ANKRD26: variants seen among roughly 807,000 people sequenced by gnomAD.
ANKRD26 encodes the protein ankyrin repeat domain 26.
ANKRD26 carries 141 observed loss-of-function variants against 208.7 expected under a neutral mutation model. The observed-to-expected ratio is 0.68, with a 90% CI of 0.59 to 0.78. The LOEUF (loss-of-function observed/expected upper bound fraction) is 0.78, where lower values mean the gene tolerates loss of function less well. Among genes scored for constraint, ANKRD26 ranks in the 30% least tolerant of loss-of-function variants. ANKRD26 has a pLI of 0.00. For synonymous variants in ANKRD26, 636 were observed against 660.4 expected (o/e 0.96, Z 0.57); for missense variants, 1,889 against 1,938.7 (o/e 0.97, Z 0.48).
At chr10:27,073,873 GA>G (rs2055593367) in intron 9 of ANKRD26, among the ~76,000 whole-genome samples, 3 of 152,058 alleles carry the variant, frequency 2.0e-5, no homozygotes, top group Non-Finnish European at 4.4e-5. Flanking sequence ...CAACATCTGA[GA>G]AAATCATCAC....
chr10:26,963,405 T>C, the ANKRD26 span, among the ~76,000 whole-genome samples: 1 of 152,206 alleles, frequency 6.6e-6, no homozygotes. Flanking sequence ...AGACTGTAAA[T>C]GTGAATCTGC....
downstream of ANKRD26, among the ~76,000 whole-genome samples, chr10:26,991,610 T>C (rs2052487492): frequency 6.6e-6 from 1 of 152,166 alleles, no homozygotes; most frequent in African/African-American, 2.4e-5. Context: ...GCCCAGCTAA[T>C]TTTGTATTTT....
intron 19 of ANKRD26, 87 bp from the exon 20 acceptor site, chr10:27,043,654 G>T: frequency 7.5e-7 from 1 of 1,329,260 alleles, no homozygotes. Flanking sequence ...TTCTAAATGA[G>T]CAAAAACACA....
intron 3 of ANKRD26, among the ~76,000 whole-genome samples, chr10:26,983,716 G>T (rs2052342493): frequency 6.6e-6 from 1 of 152,164 alleles, no homozygotes; most frequent in South Asian, 2.1e-4. Flanking sequence ...TCTTTTCACT[G>T]GATGGGGGGA....
chr10:27,068,662 T>C (rs2055356996), intron 9 of ANKRD26, among the ~76,000 whole-genome samples: 1 of 152,062 alleles, frequency 6.6e-6, no homozygotes, highest in South Asian at 2.1e-4. Context: ...AATGTGAACT[T>C]TCCCTTTCAT....
At chr10:26,954,720 A>G in the ANKRD26 span, among the ~76,000 whole-genome samples, 1 of 152,144 alleles carries the variant, frequency 6.6e-6, no homozygotes, top group Non-Finnish European at 1.5e-5. Flanking sequence ...TTTGGATTGG[A>G]AAAACAGATT....
chr10:27,093,828 CTG>C (rs754321055), intron 1 of ANKRD26, 29 bp from the exon 2 acceptor site: 7 of 1,433,580 alleles, frequency 4.9e-6, no homozygotes, highest in Non-Finnish European at 6.9e-6. Flanking sequence ...TTTTTATAAA[CTG>C]TAGTGCACTG....
chr10:27,072,119 C>T (rs2055526257), intron 9 of ANKRD26, among the ~76,000 whole-genome samples: 1 of 152,186 alleles, frequency 6.6e-6, no homozygotes, highest in Admixed American at 6.5e-5. Context: ...CCTTGTTCCA[C>T]AGGCGGATCA....
chr10:26,954,682 C>G, the ANKRD26 span, among the ~76,000 whole-genome samples: 131 of 152,252 alleles, frequency 8.6e-4, no homozygotes, highest in African/African-American at 3.0e-3. Context: ...TACACCTACT[C>G]TCTTCTATTT....
intron 17 of ANKRD26, among the ~76,000 whole-genome samples, chr10:27,047,722 C>CTAATAATAATAA (rs1554782118): frequency 6.9e-6 from 1 of 145,160 alleles, no homozygotes; most frequent in African/African-American, 2.6e-5. Flanking sequence ...ACTACTACTA[C>CTAATAATAATAA]TAATAATAAT....
In ANKRD26 at chr10:27,093,370, TG is replaced by T; in HGVS notation, c.509del (p.Ala170GlufsTer18). On this transcript the variant is annotated frameshift_variant, in exon 3 of 34. Coordinates refer to ENST00000376087, the MANE Select transcript of ANKRD26 (RefSeq NM_014915.3). LOFTEE classifies it high-confidence loss of function. ...SVATKLLLYD[A>X]NIEAKNKDDL... is the part of the protein sequence containing the mutation. ...ATACCTTGTTTTTTGCTTCAATATTTGCATCATACAAAAGCAGCTTTGTTGC... is the reference window on the plus strand; with the variant it reads ...ATACCTTGTTTTTTGCTTCAATATTTCATCATACAAAAGCAGCTTTGTTGC... 6.2e-7 allele frequency: 1 copy of T among 1,614,106 alleles called. No individual in the cohort carries two copies.
At chr10:27,078,330 A>T (rs901976780) in intron 7 of ANKRD26, among the ~76,000 whole-genome samples, 1 of 152,200 alleles carries the variant, frequency 6.6e-6, no homozygotes, top group African/African-American at 2.4e-5. Flanking sequence ...AGCTGCACCT[A>T]AATATGCTGC....
At chr10:26,956,026 T>C in the ANKRD26 span, among the ~76,000 whole-genome samples, 1 of 152,296 alleles carries the variant, frequency 6.6e-6, no homozygotes, top group Admixed American at 6.5e-5. Flanking sequence ...AATGACTATC[T>C]GTGTTTAAAA....
chr10:27,099,918 C>A (rs1257279741), intron 1 of ANKRD26, among the ~76,000 whole-genome samples, 167 bp downstream of exon 1: 1 of 152,150 alleles, frequency 6.6e-6, no homozygotes, highest in East Asian at 1.9e-4. Context: ...TGTTTTTCTG[C>A]TCAGAAAGGC....
At chr10:26,972,182 C>G (rs1278409852), downstream of ANKRD26, among the ~76,000 whole-genome samples, 7 of 151,046 alleles carry the variant, frequency 4.6e-5, no homozygotes, top group East Asian at 1.4e-3. Context: ...TTGCAGTGAG[C>G]CGAGATCGTG....
chr10:26,971,021 G>A (rs2052134343), downstream of ANKRD26, among the ~76,000 whole-genome samples: 1 of 152,210 alleles, frequency 6.6e-6, no homozygotes, highest in African/African-American at 2.4e-5. Flanking sequence ...ACAGACTTGG[G>A]TGGAAAATGT....
intron 28 of ANKRD26, among the ~76,000 whole-genome samples, chr10:27,023,809 G>C (rs1400865224): frequency 6.6e-6 from 1 of 152,022 alleles, no homozygotes; most frequent in African/African-American, 2.4e-5. Context: ...TTTTAAATCT[G>C]GATAGTAGAA....
intron 4 of ANKRD26, among the ~76,000 whole-genome samples, chr10:26,998,247 T>C (rs1000816041): frequency 2.7e-5 from 4 of 147,512 alleles, no homozygotes; most frequent in African/African-American, 9.7e-5. Flanking sequence ...TGTTGCAAAG[T>C]TTTATTAAAA....
chr10:26,965,430 T>C, the ANKRD26 span, among the ~76,000 whole-genome samples: 3 of 152,248 alleles, frequency 2.0e-5, no homozygotes, highest in Middle Eastern at 3.2e-3. Flanking sequence ...GCTAGCCATA[T>C]GCAGAAAACA....
Sources: allele counts gnomAD v4.1 joint callset (sites outside exome capture counted in the v4.1 genomes callset), GRCh38; gene constraint gnomAD v4.1.1; transcripts MANE v1.5; gene names NCBI Gene and HGNC (gene_info 2026-07-23, HGNC 2026-07-21).